The following GFRA1 variants were observed in gnomAD, a reference collection of about 807,000 sequenced individuals.
The protein encoded by GFRA1 is GDNF family receptor alpha-1.
In GFRA1, 16 loss-of-function variants were observed where a neutral mutation model predicts 51.6. The observed-to-expected ratio is 0.31, with a 90% CI of 0.21 to 0.47. The LOEUF is 0.47. Ranked by LOEUF, GFRA1 falls within the 20% of genes least tolerant of loss-of-function variation. The pLI is 1.00. For synonymous variants in GFRA1, 270 were observed against 241.3 expected (o/e 1.12, Z -1.10); for missense variants, 530 against 594.3 (o/e 0.89, Z 1.13).
chr10:116,100,951 G>A (rs759675116), intron 6 of GFRA1, among the ~76,000 whole-genome samples: 6 of 152,202 alleles, frequency 3.9e-5, no homozygotes, highest in African/African-American at 7.2e-5. Flanking sequence ...GTGGGGCCCT[G>A]GTGGGAAAGA....
intron 4 of GFRA1, among the ~76,000 whole-genome samples, chr10:116,228,864 C>T (rs1363697299): frequency 6.6e-6 from 1 of 150,718 alleles, no homozygotes; most frequent in Admixed American, 6.7e-5. Context: ...CATCTGTAAT[C>T]CCAGCTACTC....
chr10:116,132,248 A>T (rs2134054765), intron 5 of GFRA1, among the ~76,000 whole-genome samples: 1 of 152,224 alleles, frequency 6.6e-6, no homozygotes, highest in South Asian at 2.1e-4. Flanking sequence ...ACACAAAAAG[A>T]AATAGCCTAA....
intron 5 of GFRA1, among the ~76,000 whole-genome samples, chr10:116,152,242 G>A (rs1959092059): frequency 6.6e-6 from 1 of 152,226 alleles, no homozygotes; most frequent in African/African-American, 2.4e-5. Flanking sequence ...GACCAGAGAG[G>A]AAGCAGGAGC....
At chr10:116,270,752 G>T in intron 3 of GFRA1, 70 bp downstream of exon 3, 1 of 1,289,484 alleles carries the variant, frequency 7.8e-7, no homozygotes, top group Non-Finnish European at 1.1e-6. Flanking sequence ...AGATCAGCTG[G>T]CCCAGGGACG....
At chr10:116,163,780 T>C (rs1349447694) in intron 5 of GFRA1, among the ~76,000 whole-genome samples, 1 of 152,102 alleles carries the variant, frequency 6.6e-6, no homozygotes, top group African/African-American at 2.4e-5. Context: ...AAGGTCACAC[T>C]CTCCGCCAGT....
At chr10:116,065,726 ATG>A in intron 9 of GFRA1, 100 bp from the exon 10 acceptor site, 5 of 866,064 alleles carry the variant, frequency 5.8e-6, no homozygotes, top group Non-Finnish European at 9.6e-6. Context: ...TCTGATAAAT[ATG>A]TGAGACACAG....
At chr10:116,206,387 G>T (rs912119261) in intron 5 of GFRA1, among the ~76,000 whole-genome samples, 2 of 152,068 alleles carry the variant, frequency 1.3e-5, no homozygotes, top group Admixed American at 6.5e-5. Context: ...TTTGAAATAC[G>T]CAAAAGAGCT....
chr10:116,123,535 C>T (rs1198887788), intron 6 of GFRA1, among the ~76,000 whole-genome samples: 1 of 151,882 alleles, frequency 6.6e-6, no homozygotes, highest in African/African-American at 2.4e-5. Context: ...TCCCATTCTA[C>T]CAGAATAAAA....
intron 4 of GFRA1, among the ~76,000 whole-genome samples, chr10:116,262,120 C>G (rs1363052065): frequency 1.3e-5 from 2 of 152,178 alleles, no homozygotes; most frequent in Admixed American, 6.5e-5. Context: ...AGAAATACTT[C>G]AGAGGACTAA....
At chr10:116,068,213 C>T (rs1325497947) in intron 9 of GFRA1, among the ~76,000 whole-genome samples, 1 of 152,242 alleles carries the variant, frequency 6.6e-6, no homozygotes, top group Non-Finnish European at 1.5e-5. Flanking sequence ...GCAGTCCACA[C>T]ACAGGACTCT....
chr10:116,061,077 G>C lies in GFRA1; in HGVS notation c.*3321C>G, dbSNP rs1441760550. ...TTTAGAGACAAGAAGGCAAGAGGGA[G>C]ACGGGCGGCAGCTAGAAGCGGCCCA... is the stretch of plus-strand genomic sequence containing the variant. On this transcript the variant is annotated 3_prime_UTR_variant, in exon 11 of 11. Transcript: ENST00000355422. The C allele has an allele frequency of 1.3e-5, 2 of 152,098 alleles. No individual in the cohort carries two copies. Among genetic ancestry groups the C allele is most frequent in the African/African-American group, 4.8e-5 (2 of 41,394 alleles). 9.4% of individuals were successfully genotyped at this position (152,098 alleles called of 1,614,324 possible). A position where few individuals can be genotyped will look rare whatever the true frequency, so the allele number is the denominator to read the frequency against.
intron 5 of GFRA1, among the ~76,000 whole-genome samples, chr10:116,180,774 C>T (rs1962138937): frequency 6.6e-6 from 1 of 152,154 alleles, no homozygotes; most frequent in South Asian, 2.1e-4. Flanking sequence ...CGTTCCATCC[C>T]CTCTGGGTTT....
At position 116,061,758 on chromosome 10, in the gene GFRA1, T is replaced by A. The variant is rs1954830036; in HGVS notation, c.*2640A>T. The A allele has an allele frequency of 5.3e-6, 2 of 377,112 alleles. No individual in the cohort carries two copies. The highest frequency in any genetic ancestry group is 9.4e-6 in the Non-Finnish European group (2 of 212,852). 23.4% of individuals were successfully genotyped at this position (377,112 alleles called of 1,614,324 possible). A position where few individuals can be genotyped will look rare whatever the true frequency, so the allele number is the denominator to read the frequency against. ...ACAGGAAGTAGCGAATCATTTTTGCTTTTAAGCACGCCAAGAAGAAGTGAG... is the reference window on the plus strand; with the variant it reads ...ACAGGAAGTAGCGAATCATTTTTGCATTTAAGCACGCCAAGAAGAAGTGAG... On this transcript the variant is annotated 3_prime_UTR_variant, in exon 11 of 11. Coordinates refer to ENST00000355422, the MANE Select transcript of GFRA1 (RefSeq NM_005264.8).
At chr10:116,267,484 CA>C (rs1184405413) in intron 4 of GFRA1, among the ~76,000 whole-genome samples, 18 of 148,272 alleles carry the variant, frequency 1.2e-4, no homozygotes, top group South Asian at 2.2e-4. Context: ...AACAAACAAA[CA>C]AAAAAAAAAA....
At chr10:116,196,764 A>C (rs1485068014) in intron 5 of GFRA1, among the ~76,000 whole-genome samples, 2 of 130,408 alleles carry the variant, frequency 1.5e-5, no homozygotes, top group African/African-American at 6.0e-5. Context: ...TATATATTAT[A>C]TATATAATAC....
chr10:116,082,534 G>A (rs1159661441), intron 9 of GFRA1, among the ~76,000 whole-genome samples: 5 of 151,888 alleles, frequency 3.3e-5, no homozygotes, highest in African/African-American at 1.2e-4. Context: ...GTGCAAGAGC[G>A]TAATGGTGCG....
At chr10:116,090,572 A>G (rs560903750) in intron 8 of GFRA1, among the ~76,000 whole-genome samples, 2 of 152,222 alleles carry the variant, frequency 1.3e-5, no homozygotes, top group South Asian at 2.1e-4. Context: ...TGCTTAAATG[A>G]AAAGTTTAAA....
At chr10:116,236,686 T>C (rs1352657802) in intron 4 of GFRA1, among the ~76,000 whole-genome samples, 2 of 151,984 alleles carry the variant, frequency 1.3e-5, no homozygotes, top group South Asian at 2.1e-4. Context: ...AAGAATGGAG[T>C]TGAAGAAGGA....
At position 116,218,457 on chromosome 10, in the gene GFRA1, T is replaced by C. The variant is rs1157202561; in HGVS notation, c.419-6812A>G. ...GTTCCATTGCTTTATTAAATAAAGT[T>C]TGAGCACAACAAACCACTGAAGCAG... On this transcript the variant is annotated intron_variant, in intron 4 of 10. Transcript: ENST00000355422. Among the ~76,000 whole-genome samples the C allele has an allele frequency of 2.6e-5, 4 of 152,206 alleles. No homozygotes were observed. The East Asian group carries it at 7.7e-4, about 29-fold the overall frequency.
Sources: gnomAD v4.1 joint callset for allele counts (sites outside exome capture counted in the v4.1 genomes callset) on GRCh38, gnomAD v4.1.1 for gene constraint, MANE v1.5 for transcripts, NCBI Gene and HGNC (gene_info 2026-07-23, HGNC 2026-07-21) for gene names.